Variants in TNRC6B observed in about 807,000 individuals in gnomAD.
The protein encoded by TNRC6B is trinucleotide repeat containing adaptor 6B.
Under a neutral mutation model 203.6 loss-of-function variants are expected in TNRC6B, and 52 were observed. That is an observed-to-expected ratio of 0.26 (90% CI 0.20 to 0.32). The LOEUF is 0.32. TNRC6B is among the 10% of genes least tolerant of loss of function. The probability of loss-of-function intolerance (pLI) is 1.00; values close to 1 mark genes in which losing one functional copy is unlikely to be tolerated. For synonymous variants in TNRC6B, 838 were observed against 845.7 expected (o/e 0.99, Z 0.16); for missense variants, 1,923 against 2,286.2 (o/e 0.84, Z 3.24).
chr22:40,097,784 A>G (rs2068197704), intron 1 of TNRC6B, among the ~76,000 whole-genome samples: 1 of 152,012 alleles, frequency 6.6e-6, no homozygotes, highest in African/African-American at 2.4e-5. Context: ...TGTTTTATAT[A>G]TTTATTTGTA....
Position 40,301,218 on chromosome 22 carries a change from C to T in TNRC6B, c.4005C>T (p.His1335=), listed in dbSNP as rs771497753. 5 of 1,556,442 alleles carry T rather than the reference C, an allele frequency of 3.2e-6. No individual in the cohort carries two copies. Among genetic ancestry groups the T allele is most frequent in the Non-Finnish European group, 4.3e-6 (5 of 1,149,550 alleles). ...AGCAGAGGCAGCCAGGCATGAAGCA[C>T]TCGCCCTCTCATCCTGTTGGGCCCA... ...QQQQRQPGMK[H]SPSHPVGPKP... Residue 1335 remains histidine (H), a synonymous_variant, in exon 15 of 23, where the codon CAC becomes CAT. Coordinates refer to ENST00000454349, the MANE Select transcript of TNRC6B (RefSeq NM_001162501.2).
chr22:40,226,513 T>G (rs2069788193), intron 1 of TNRC6B, among the ~76,000 whole-genome samples: 1 of 152,192 alleles, frequency 6.6e-6, no homozygotes, highest in South Asian at 2.1e-4. Flanking sequence ...TCTCTTCCAT[T>G]TATTTTCTAA....
At chr22:40,278,161 T>A (rs1244312119) in intron 9 of TNRC6B, 117 bp downstream of exon 9, 1 of 794,110 alleles carries the variant, frequency 1.3e-6, no homozygotes, top group Non-Finnish European at 2.2e-6. Context: ...ATTGAGCACT[T>A]ACTCTTTGTA....
At chr22:40,219,927 C>T in intron 1 of TNRC6B, among the ~76,000 whole-genome samples, 1 of 152,144 alleles carries the variant, frequency 6.6e-6, no homozygotes, top group East Asian at 1.9e-4. Flanking sequence ...CTCCTCTGTC[C>T]TGAGTACCCA....
intron 12 of TNRC6B, among the ~76,000 whole-genome samples, chr22:40,288,896 C>T (rs973500762): frequency 6.8e-6 from 1 of 147,460 alleles, no homozygotes; most frequent in African/African-American, 2.5e-5. Flanking sequence ...TCACTGCAAC[C>T]TCCACCTCCT....
chr22:40,063,893 G>C (rs1411316653), intron 1 of TNRC6B, among the ~76,000 whole-genome samples: 1 of 152,006 alleles, frequency 6.6e-6, no homozygotes, highest in African/African-American at 2.4e-5. Flanking sequence ...TGTAGAGACA[G>C]GGTTTTGCTA....
chr22:40,127,204 C>T lies in TNRC6B; in HGVS notation c.45+1342C>T, dbSNP rs2068501201. On this transcript the variant is annotated intron_variant, in intron 3 of 23. Transcript: ENST00000301923. The stretch of plus-strand genomic sequence containing the variant: ...CCATTCAGAATTGTCTGTAGCTCTT[C>T]CTGGGAGCTCTGAAAACAACTCTTT... Among the ~76,000 whole-genome samples, 3 of 152,164 alleles carry T rather than the reference C, an allele frequency of 2.0e-5. No homozygotes were observed. In the South Asian group the frequency reaches 6.2e-4, roughly 32 times the overall value.
In TNRC6B at chr22:40,332,360, G is replaced by A. The variant is rs1050963844; in HGVS notation, c.*9119G>A. 6.6e-6 allele frequency: 1 copy of A among 152,610 alleles called. No individual in the cohort carries two copies. The highest frequency in any genetic ancestry group is 1.5e-5 in the Non-Finnish European group (1 of 68,036). 9.5% of individuals were successfully genotyped at this position (152,610 alleles called of 1,614,324 possible). ...GCAGGCTGTATGAAGCCAATGAGCT[G>A]CGAGGTGTTTTGACAGGGGAGGTCT... On this transcript the variant is annotated 3_prime_UTR_variant, in exon 23 of 23. Coordinates refer to ENST00000454349, the MANE Select transcript of TNRC6B (RefSeq NM_001162501.2).
intron 12 of TNRC6B, among the ~76,000 whole-genome samples, chr22:40,298,017 C>G (rs2070967819): frequency 6.6e-6 from 1 of 151,096 alleles, no homozygotes; most frequent in African/African-American, 2.4e-5. Flanking sequence ...CCCAGCTATT[C>G]GGGAGGCTAA....
intron 1 of TNRC6B, among the ~76,000 whole-genome samples, chr22:40,184,648 A>C (rs1477770663): frequency 6.6e-6 from 1 of 152,238 alleles, no homozygotes; most frequent in Non-Finnish European, 1.5e-5. Context: ...ATGATACTGT[A>C]GTAATCTCAG....
intron 1 of TNRC6B, among the ~76,000 whole-genome samples, chr22:40,069,193 G>A (rs756270946): frequency 2.0e-5 from 3 of 151,988 alleles, no homozygotes; most frequent in African/African-American, 2.4e-5. Flanking sequence ...CCTCAAATTC[G>A]TGGGCTCAAG....
At chr22:40,285,906 C>T in intron 12 of TNRC6B, 136 bp downstream of exon 12, 1 of 1,198,150 alleles carries the variant, frequency 8.3e-7, no homozygotes, top group Non-Finnish European at 1.2e-6. Flanking sequence ...TTTTCTTGAC[C>T]TTTTGGCTAA....
At chr22:40,085,639 T>C (rs1057502554) in intron 1 of TNRC6B, among the ~76,000 whole-genome samples, 1 of 152,184 alleles carries the variant, frequency 6.6e-6, no homozygotes, top group African/African-American at 2.4e-5. Flanking sequence ...CTAATTCAGA[T>C]TGGGTTTTTT....
At chr22:40,080,094 CTTTTTTT>C (rs772109662) in intron 1 of TNRC6B, among the ~76,000 whole-genome samples, 3 of 113,774 alleles carry the variant, frequency 2.6e-5, no homozygotes, top group African/African-American at 7.4e-5. Context: ...CGTGCCTGGC[CTTTTTTT>C]TTTTTTTTTT....
intron 1 of TNRC6B, among the ~76,000 whole-genome samples, chr22:40,194,255 G>T (rs1245185833): frequency 6.6e-6 from 1 of 152,220 alleles, no homozygotes; most frequent in East Asian, 1.9e-4. Context: ...TAAACCCCGG[G>T]CAGAGCATTC....
At chr22:40,058,128 G>A (rs891770472) in intron 1 of TNRC6B, among the ~76,000 whole-genome samples, 8 of 152,236 alleles carry the variant, frequency 5.3e-5, no homozygotes, top group Admixed American at 5.2e-4. Context: ...AAACCATGCA[G>A]GTGGGTCTGT....
chr22:40,218,605 G>C (rs1224593587), intron 1 of TNRC6B, among the ~76,000 whole-genome samples: 1 of 152,160 alleles, frequency 6.6e-6, no homozygotes, highest in African/African-American at 2.4e-5. Flanking sequence ...TGGGACTACA[G>C]ATAGGAGCCA....
At chr22:40,288,770 T>A (rs374590948) in intron 12 of TNRC6B, among the ~76,000 whole-genome samples, 28 of 151,690 alleles carry the variant, frequency 1.8e-4, no homozygotes, top group African/African-American at 6.8e-4. Context: ...CTCGAACTCC[T>A]GACCTCCTGA....
rs57206167 is a variant in TNRC6B at position 40,154,840 on chromosome 22, C to CA, written c.46-1254dup. Among the ~76,000 whole-genome samples the CA allele has an allele frequency of 6.1e-3, 177 of 29,240 alleles. 5 individuals are homozygous for CA. Among genetic ancestry groups the CA allele is most frequent in the Non-Finnish European group, 7.3e-3 (132 of 18,022 alleles). 19.2% of individuals were successfully genotyped at this position (29,240 alleles called of 152,430 possible). A position where few individuals can be genotyped will look rare whatever the true frequency, so the allele number is the denominator to read the frequency against. ...TGGGCAACAGAGCAAGACTCTATCT[C>CA]AAAAAAAAAAAAAAAAAAAAATATA... On this transcript the variant is annotated intron_variant, in intron 3 of 23. Coordinates refer to the TNRC6B transcript ENST00000301923.
Sources: allele counts gnomAD v4.1 joint callset (sites outside exome capture counted in the v4.1 genomes callset), GRCh38; gene constraint gnomAD v4.1.1; transcripts MANE v1.5; gene names NCBI Gene and HGNC (gene_info 2026-07-23, HGNC 2026-07-21).